The following NCKAP5 variants were observed in gnomAD, a reference collection of about 807,000 sequenced individuals.
NCKAP5 encodes nck-associated protein 5.
Under a neutral mutation model 167.0 loss-of-function variants are expected in NCKAP5, and 92 were observed. That is an observed-to-expected ratio of 0.55 (90% confidence interval 0.47 to 0.66). The LOEUF is 0.66. Among genes scored for constraint, NCKAP5 ranks in the 30% least tolerant of loss-of-function variants. The probability of loss-of-function intolerance (pLI) is 0.00; values close to 1 mark genes in which losing one functional copy is unlikely to be tolerated. For synonymous variants in NCKAP5, 891 were observed against 877.4 expected, an observed-to-expected ratio of 1.02 and a Z score of -0.27; for missense variants, 2,378 against 2,315.0, an observed-to-expected ratio of 1.03 and a Z score of -0.56.
chr2:132,919,023 A>G (rs1469637667), intron 8 of NCKAP5, among the ~76,000 whole-genome samples: 1 of 152,238 alleles, frequency 6.6e-6, no homozygotes, highest in Non-Finnish European at 1.5e-5. Context: ...ACAAATGATG[A>G]ATTTATTGTT....
intron 11 of NCKAP5, among the ~76,000 whole-genome samples, chr2:132,804,134 T>C (rs910502880): frequency 6.6e-5 from 10 of 152,102 alleles, no homozygotes; most frequent in African/African-American, 2.4e-4. Context: ...TGACAGAATG[T>C]TGAGAAAAAG....
intron 5 of NCKAP5, among the ~76,000 whole-genome samples, chr2:133,135,866 T>C (rs1222226961): frequency 1.3e-5 from 2 of 152,150 alleles, no homozygotes. Flanking sequence ...AAAATATGGC[T>C]AACTAAAATT....
intron 8 of NCKAP5, among the ~76,000 whole-genome samples, chr2:132,910,818 T>C (rs1362597595): frequency 1.3e-5 from 2 of 152,170 alleles, no homozygotes; most frequent in African/African-American, 4.8e-5. Context: ...TTGGATTGGA[T>C]TTGGAAATGA....
chr2:133,477,666 A>G (rs932077959), intron 3 of NCKAP5, among the ~76,000 whole-genome samples: 7 of 152,238 alleles, frequency 4.6e-5, no homozygotes, highest in Admixed American at 4.6e-4. Flanking sequence ...CATATACTGC[A>G]ATAAAAGTTA....
At chr2:132,917,100 C>A (rs867878405) in intron 8 of NCKAP5, among the ~76,000 whole-genome samples, 7 of 152,156 alleles carry the variant, frequency 4.6e-5, no homozygotes, top group Non-Finnish European at 8.8e-5. Flanking sequence ...CATAGGAACT[C>A]TTAACATCCC....
chr2:132,956,579 A>C (rs2076352142), intron 8 of NCKAP5, among the ~76,000 whole-genome samples: 2 of 152,178 alleles, frequency 1.3e-5, no homozygotes, highest in African/African-American at 4.8e-5. Context: ...GGCCATTGGC[A>C]CACGAATGTG....
chr2:132,819,097 A>G (rs1041619952), intron 11 of NCKAP5, among the ~76,000 whole-genome samples: 8 of 152,178 alleles, frequency 5.3e-5, no homozygotes, highest in African/African-American at 1.4e-4. Context: ...TTGATCTGAA[A>G]AAAAAATGGT....
chr2:133,328,564 G>T (rs972212304), intron 3 of NCKAP5, among the ~76,000 whole-genome samples: 27 of 152,306 alleles, frequency 1.8e-4, no homozygotes, highest in Middle Eastern at 3.4e-3. Flanking sequence ...GGCAGTCCTT[G>T]ACATCCTTTG....
At chr2:132,676,281 T>TC (rs1684457257) in intron 19 of NCKAP5, among the ~76,000 whole-genome samples, 1 of 140,674 alleles carries the variant, frequency 7.1e-6, no homozygotes. Flanking sequence ...TGTTGTTTTA[T>TC]CCTTTTTTTT....
At chr2:133,199,681 A>G (rs2085588587) in intron 5 of NCKAP5, among the ~76,000 whole-genome samples, 1 of 152,054 alleles carries the variant, frequency 6.6e-6, no homozygotes, top group African/African-American at 2.4e-5. Flanking sequence ...AAAGTAAAAC[A>G]TATACGATAA....
chr2:133,484,783 A>T (rs1437785226), intron 3 of NCKAP5, among the ~76,000 whole-genome samples: 1 of 151,566 alleles, frequency 6.6e-6, no homozygotes. Flanking sequence ...ATATCTCATG[A>T]TGTATATACA....
chr2:133,306,562 A>C (rs1298748772), intron 3 of NCKAP5, among the ~76,000 whole-genome samples: 1 of 152,246 alleles, frequency 6.6e-6, no homozygotes, highest in African/African-American at 2.4e-5. Flanking sequence ...CAGCAGAATT[A>C]GATTTTAAAA....
chr2:133,449,838 TTTC>T (rs1691432989), intron 3 of NCKAP5, among the ~76,000 whole-genome samples: 1 of 152,188 alleles, frequency 6.6e-6, no homozygotes, highest in Admixed American at 6.5e-5. Context: ...GCTTTTTTTT[TTTC>T]AACAGAGATT....
At chr2:132,795,503 C>A (rs761812735) in intron 12 of NCKAP5, among the ~76,000 whole-genome samples, 1 of 152,148 alleles carries the variant, frequency 6.6e-6, no homozygotes, top group South Asian at 2.1e-4. Flanking sequence ...AGTATAAAAT[C>A]TACAATTTTA....
chr2:133,014,538 T>C (rs2078268793), intron 6 of NCKAP5, among the ~76,000 whole-genome samples: 1 of 152,248 alleles, frequency 6.6e-6, no homozygotes, highest in Admixed American at 6.5e-5. Context: ...ACCACTTAAC[T>C]TTTAGTTGAA....
At chr2:133,512,333 T>C (rs537283008) in intron 3 of NCKAP5, among the ~76,000 whole-genome samples, 202 of 152,306 alleles carry the variant, frequency 1.3e-3, no homozygotes, top group African/African-American at 4.8e-3. Flanking sequence ...TCACATATAC[T>C]GAGGGTAAAT....
intron 8 of NCKAP5, among the ~76,000 whole-genome samples, chr2:132,918,096 C>T (rs898275881): frequency 1.3e-5 from 2 of 152,114 alleles, no homozygotes; most frequent in Non-Finnish European, 2.9e-5. Flanking sequence ...TAATGGGCTC[C>T]TTAAATTTTG....
At chr2:133,625,776 CA>C in the NCKAP5 span, among the ~76,000 whole-genome samples, 1 of 149,252 alleles carries the variant, frequency 6.7e-6, no homozygotes, top group South Asian at 2.1e-4. Context: ...GAGGCTGAGG[CA>C]AGGAGAATGG....
chr2:132,827,626 C>T (rs1336597563), intron 11 of NCKAP5, among the ~76,000 whole-genome samples: 1 of 152,110 alleles, frequency 6.6e-6, no homozygotes, highest in Admixed American at 6.5e-5. Context: ...GGATAAAATA[C>T]CTTGTCCAAG....
Sources: gnomAD v4.1 joint callset for allele counts (sites outside exome capture counted in the v4.1 genomes callset) on GRCh38, gnomAD v4.1.1 for gene constraint, MANE v1.5 for transcripts, NCBI Gene and HGNC (gene_info 2026-07-23, HGNC 2026-07-21) for gene names.